Variants in LRRC53 observed in about 807,000 individuals in gnomAD.
LRRC53 encodes leucine rich repeat containing 53.
Under a neutral mutation model 13.6 loss-of-function variants are expected in LRRC53, and 25 were observed. The observed-to-expected ratio is 1.83, with a 90% CI of 1.34 to 2.56. The LOEUF is 2.56. LRRC53 is among the 30% of genes most tolerant of loss of function. LRRC53 has a pLI of 0.00. For synonymous variants in LRRC53, 204 were observed against 109.8 expected, an observed-to-expected ratio of 1.86 and a Z score of -5.37; for missense variants, 527 against 275.8, an observed-to-expected ratio of 1.91 and a Z score of -6.45.
chr1:74,520,265 T>C, the LRRC53 span, among the ~76,000 whole-genome samples: 1 of 152,150 alleles, frequency 6.6e-6, no homozygotes, highest in Non-Finnish European at 1.5e-5. Context: ...TTGACTCAAC[T>C]GGAATCTTGA....
intron 2 of LRRC53, among the ~76,000 whole-genome samples, chr1:74,482,511 C>CT (rs1668557753): frequency 6.6e-6 from 1 of 152,182 alleles, no homozygotes; most frequent in African/African-American, 2.4e-5. Flanking sequence ...GAAAACCTCT[C>CT]TGTCCTGTCA....
chr1:74,520,199 T>A, the LRRC53 span, among the ~76,000 whole-genome samples: 1 of 152,162 alleles, frequency 6.6e-6, no homozygotes, highest in Non-Finnish European at 1.5e-5. Context: ...GTCATTCTTA[T>A]GCATGTGCAT....
intron 2 of LRRC53, among the ~76,000 whole-genome samples, chr1:74,481,428 A>G (rs1451660074): frequency 1.3e-5 from 2 of 152,198 alleles, no homozygotes; most frequent in African/African-American, 4.8e-5. Flanking sequence ...GAAGTCAATC[A>G]TCTTTTCTCC....
chr1:74,508,060 C>T (rs1022722856), intron 1 of LRRC53, among the ~76,000 whole-genome samples: 4 of 152,160 alleles, frequency 2.6e-5, no homozygotes, highest in Non-Finnish European at 5.9e-5. Flanking sequence ...GACGGGCACA[C>T]GACTCTAGTG....
At chr1:74,509,982 G>T (rs1416193187) in intron 1 of LRRC53, among the ~76,000 whole-genome samples, 3 of 151,914 alleles carry the variant, frequency 2.0e-5, no homozygotes, top group African/African-American at 2.4e-5. Context: ...TTGAATTCCT[G>T]AATTCAAGCG....
intron 3 of LRRC53, 88 bp downstream of exon 3, chr1:74,480,065 A>G: frequency 1.6e-6 from 1 of 623,920 alleles, no homozygotes; most frequent in Non-Finnish European, 2.9e-6. Flanking sequence ...CCTGGCAACC[A>G]AGTGTCTGAG....
the LRRC53 span, among the ~76,000 whole-genome samples, chr1:74,530,723 G>GT: frequency 7.1e-3 from 1,015 of 142,120 alleles, 5 homozygotes; most frequent in African/African-American, 0.018. Flanking sequence ...AACTCAAAAA[G>GT]TTTTTTTTTT....
At chr1:74,529,794 C>T in the LRRC53 span, among the ~76,000 whole-genome samples, 3 of 152,136 alleles carry the variant, frequency 2.0e-5, no homozygotes, top group African/African-American at 7.2e-5. Context: ...TTCATATATT[C>T]ACTTCAGCCA....
intron 1 of LRRC53, among the ~76,000 whole-genome samples, chr1:74,495,526 C>A (rs542821380): frequency 3.2e-4 from 49 of 152,292 alleles, no homozygotes; most frequent in Admixed American, 8.5e-4. Flanking sequence ...TAACTATTTT[C>A]TCTTTTCTTT....
At chr1:74,478,491 T>C (rs1043785904) in intron 3 of LRRC53, among the ~76,000 whole-genome samples, 4 of 152,146 alleles carry the variant, frequency 2.6e-5, no homozygotes, top group Non-Finnish European at 1.5e-5. Context: ...AACTAAAAGA[T>C]ACTAAAAATT....
At chr1:74,510,098 A>G (rs1405244864) in intron 1 of LRRC53, among the ~76,000 whole-genome samples, 1 of 152,060 alleles carries the variant, frequency 6.6e-6, no homozygotes, top group African/African-American at 2.4e-5. Flanking sequence ...TCTTTTGTAA[A>G]AGGTAGACAG....
At chr1:74,511,189 C>T (rs1329707784) in intron 1 of LRRC53, among the ~76,000 whole-genome samples, 5 of 119,580 alleles carry the variant, frequency 4.2e-5, no homozygotes, top group South Asian at 2.5e-4. Context: ...CTACCGTGCC[C>T]GGCCTATTTT....
At chr1:74,489,510 T>C (rs372284379) in intron 1 of LRRC53, among the ~76,000 whole-genome samples, 30 of 152,254 alleles carry the variant, frequency 2.0e-4, no homozygotes, top group South Asian at 1.9e-3. Context: ...AGCTTAAAAA[T>C]TGATAAGTAA....
chr1:74,514,051 G>T (rs985136434), upstream of LRRC53, among the ~76,000 whole-genome samples: 1 of 152,114 alleles, frequency 6.6e-6, no homozygotes, highest in Non-Finnish European at 1.5e-5. Flanking sequence ...CGATAACTGC[G>T]TTTTTCAATT....
At chr1:74,478,378 T>G (rs548086378) in intron 3 of LRRC53, among the ~76,000 whole-genome samples, 41 of 152,318 alleles carry the variant, frequency 2.7e-4, no homozygotes, top group African/African-American at 9.6e-4. Context: ...GACAAAACTT[T>G]TGGAATCTTC....
chr1:74,489,447 A>C (rs1250290237), intron 1 of LRRC53, among the ~76,000 whole-genome samples: 1 of 152,226 alleles, frequency 6.6e-6, no homozygotes, highest in African/African-American at 2.4e-5. Context: ...GTCAGAGTGA[A>C]TTCGAGACCT....
the LRRC53 span, among the ~76,000 whole-genome samples, chr1:74,524,879 G>C: frequency 6.6e-6 from 1 of 152,184 alleles, no homozygotes; most frequent in South Asian, 2.1e-4. Context: ...TTTGGGCAGA[G>C]AGGTAACATC....
Position 74,496,471 on chromosome 1 carries a change from A to G in LRRC53, c.-26-13096T>C, listed in dbSNP as rs117371959. On this transcript the variant is annotated intron_variant, in intron 1 of 4. Transcript: ENST00000294635. ...TCCTATAGTCCCTACTAATGTATGG[A>G]TGTGGGGACACCTCAACACTGTCTT... Among the ~76,000 whole-genome samples, 313 of 152,256 alleles carry G rather than the reference A, an allele frequency of 2.1e-3. 3 individuals carry two copies. Among genetic ancestry groups the G allele is most frequent in the East Asian group, 6.6e-3 (34 of 5,186 alleles).
the LRRC53 span, among the ~76,000 whole-genome samples, chr1:74,524,947 A>T: frequency 1.3e-5 from 2 of 152,280 alleles, 1 homozygote; most frequent in South Asian, 4.1e-4. Flanking sequence ...CTGGAAAGAG[A>T]GGTAGCCAAT....
Sources: gnomAD v4.1 joint callset for allele counts (sites outside exome capture counted in the v4.1 genomes callset) on GRCh38, gnomAD v4.1.1 for gene constraint, MANE v1.5 for transcripts, NCBI Gene and HGNC (gene_info 2026-07-23, HGNC 2026-07-21) for gene names.